Variants in PCNT observed in about 807,000 individuals in gnomAD.
PCNT encodes the protein kendrin.
PCNT carries 319 observed loss-of-function variants against 380.4 expected under a neutral mutation model. The ratio of observed to expected loss-of-function variants is 0.84; its 90% CI spans 0.77 to 0.92. The LOEUF is 0.92. PCNT is among the 40% of genes least tolerant of loss of function. The pLI, the probability that PCNT is intolerant of heterozygous loss-of-function variation, is 0.00. For synonymous variants in PCNT, 1,845 were observed against 1,735.2 expected (o/e 1.06, Z -1.57); for missense variants, 4,400 against 4,255.3 (o/e 1.03, Z -0.95).
rs1265915720 is a variant in PCNT at position 46,398,246 on chromosome 21, G to T, written c.4575G>T (p.Leu1525=). 1.2e-6 allele frequency: 2 copies of T among 1,606,710 alleles called. No individual in the cohort carries two copies. Among genetic ancestry groups the T allele is most frequent in the Middle Eastern group, 2.2e-4 (1 of 4,454 alleles). ...WGPRDSQQAP[L]DGEVELLQQK... ...CATGAAATCGGCAGCAGGCGCCGCTGGATGGAGAGGTGAGGAGGCGTCAAC... is the reference window on the plus strand; with the variant it reads ...CATGAAATCGGCAGCAGGCGCCGCTTGATGGAGAGGTGAGGAGGCGTCAAC... Residue 1525 remains leucine (L), a synonymous_variant, in exon 24 of 47, where the codon CTG becomes CTT. Coordinates refer to ENST00000359568, the MANE Select transcript of PCNT (RefSeq NM_006031.6).
At chr21:46,419,421 T>C (rs2087155068) in intron 31 of PCNT, among the ~76,000 whole-genome samples, 1 of 152,210 alleles carries the variant, frequency 6.6e-6, no homozygotes, top group Non-Finnish European at 1.5e-5. Flanking sequence ...TTTCAAACTC[T>C]ATTTGCTGTT....
intron 27 of PCNT, among the ~76,000 whole-genome samples, chr21:46,403,665 G>A (rs1434120649): frequency 6.8e-6 from 1 of 146,722 alleles, no homozygotes; most frequent in East Asian, 2.1e-4. Flanking sequence ...AACACAGCGT[G>A]GGAGAATCGT....
chr21:46,444,476 C>G (rs1487115870), intron 45 of PCNT, among the ~76,000 whole-genome samples: 1 of 152,070 alleles, frequency 6.6e-6, no homozygotes, highest in Admixed American at 6.6e-5. Context: ...AAGTAATATA[C>G]TCAACTCTGG....
At chr21:46,410,839 A>G (rs765658520) in intron 27 of PCNT, among the ~76,000 whole-genome samples, 2 of 152,216 alleles carry the variant, frequency 1.3e-5, no homozygotes, top group African/African-American at 4.8e-5. Context: ...CCTAAAATCT[A>G]ATGCACCTTC....
At chr21:46,429,536 GT>G (rs1319628096) in intron 35 of PCNT, among the ~76,000 whole-genome samples, 2 of 152,204 alleles carry the variant, frequency 1.3e-5, no homozygotes, top group Non-Finnish European at 2.9e-5. Context: ...GCACTGGTCT[GT>G]TTTCTGTTGT....
At chr21:46,342,181 A>C (rs939454480) in intron 3 of PCNT, among the ~76,000 whole-genome samples, 1 of 152,056 alleles carries the variant, frequency 6.6e-6, no homozygotes, top group East Asian at 1.9e-4. Context: ...ATCTTGGCTC[A>C]CTGCAACCTC....
In PCNT at chr21:46,435,993, G is replaced by T; in HGVS notation, c.8841G>T (p.Val2947=). The part of the protein sequence containing the change: ...TVRDLESKDE[V]PGSRLHLGSA... ...GAGACCTGGAGTCGAAGGACGAGGT[G>T]CCTGGCAGCCGCCTCCACCTAGGTT... is the stretch of plus-strand genomic sequence containing the variant. Residue 2947 remains valine (V), a synonymous_variant, in exon 39 of 47, where the codon GTG becomes GTT. Transcript: ENST00000359568. The T allele has an allele frequency of 6.2e-7, 1 of 1,614,168 alleles. No individual in the cohort carries two copies. The highest frequency in any genetic ancestry group is 2.2e-5 in the East Asian group (1 of 44,852).
intron 3 of PCNT, among the ~76,000 whole-genome samples, chr21:46,343,666 A>G (rs965448666): frequency 2.6e-5 from 4 of 152,076 alleles, no homozygotes; most frequent in East Asian, 1.9e-4. Context: ...TTCTTTCTCT[A>G]TCTTTTGGAA....
intron 41 of PCNT, among the ~76,000 whole-genome samples, chr21:46,439,844 A>G (rs2053560453): frequency 6.6e-6 from 1 of 152,066 alleles, no homozygotes; most frequent in African/African-American, 2.4e-5. Flanking sequence ...CTTTTTTGCA[A>G]TCATACTTCA....
intron 31 of PCNT, among the ~76,000 whole-genome samples, chr21:46,419,502 C>T (rs1348194393): frequency 2.0e-5 from 3 of 152,266 alleles, no homozygotes; most frequent in Non-Finnish European, 2.9e-5. Flanking sequence ...AGTCTGCACG[C>T]CCTGTGCTGT....
intron 16 of PCNT, 129 bp from the exon 17 acceptor site, chr21:46,385,703 C>A: frequency 1.0e-6 from 1 of 982,204 alleles, no homozygotes; most frequent in Non-Finnish European, 1.6e-6. Context: ...GCTCCTTTTG[C>A]CCCATCACCA....
At chr21:46,359,480 G>GTTGTTTTTTT (rs2084609442) in intron 13 of PCNT, among the ~76,000 whole-genome samples, 1 of 65,732 alleles carries the variant, frequency 1.5e-5, no homozygotes, top group Non-Finnish European at 3.4e-5. Context: ...AAATACACCT[G>GTTGTTTTTTT]TTTTTTTTTT....
At chr21:46,369,498 C>T (rs530277035) in intron 15 of PCNT, among the ~76,000 whole-genome samples, 19 of 152,330 alleles carry the variant, frequency 1.2e-4, no homozygotes, top group Admixed American at 4.6e-4. Context: ...AGTTTCCTTT[C>T]GTTCCCAGTT....
chr21:46,444,888 G>T (rs926686985), intron 46 of PCNT, 67 bp downstream of exon 46: 1 of 1,460,428 alleles, frequency 6.8e-7, no homozygotes. Flanking sequence ...CGTAGGGTCT[G>T]TTGAAAGATG....
At chr21:46,386,066 C>T (rs951206973) in intron 17 of PCNT, 83 bp downstream of exon 17, 5 of 1,550,664 alleles carry the variant, frequency 3.2e-6, no homozygotes, top group East Asian at 2.2e-5. Context: ...CCCCACGGCT[C>T]CTGGCCCCGT....
chr21:46,419,788 T>C (rs2087171485), intron 31 of PCNT, among the ~76,000 whole-genome samples: 1 of 152,110 alleles, frequency 6.6e-6, no homozygotes, highest in South Asian at 2.1e-4. Context: ...TCACGCAGGC[T>C]GGAGTGCAGT....
intron 33 of PCNT, 47 bp downstream of exon 33, chr21:46,426,018 C>A (rs749340339): frequency 6.4e-7 from 1 of 1,573,156 alleles, no homozygotes. Flanking sequence ...ATTTAAGGAG[C>A]TTGTGGTAAT....
chr21:46,350,407 A>G (rs984910249), intron 8 of PCNT, among the ~76,000 whole-genome samples: 7 of 152,092 alleles, frequency 4.6e-5, no homozygotes, highest in African/African-American at 1.7e-4. Flanking sequence ...CGAGATTCCT[A>G]GGAAAAGTTA....
intron 27 of PCNT, among the ~76,000 whole-genome samples, chr21:46,409,431 G>T (rs950863493): frequency 6.6e-6 from 1 of 151,798 alleles, no homozygotes; most frequent in Non-Finnish European, 1.5e-5. Context: ...CAGAAGATCC[G>T]CCTGCCTTGG....
Sources: gnomAD v4.1 joint callset for allele counts (sites outside exome capture counted in the v4.1 genomes callset) on GRCh38, gnomAD v4.1.1 for gene constraint, MANE v1.5 for transcripts, NCBI Gene and HGNC (gene_info 2026-07-23, HGNC 2026-07-21) for gene names.